Variants in ASPG observed in about 807,000 individuals in gnomAD.
ASPG encodes 60 kDa lysophospholipase.
Under a neutral mutation model 63.2 loss-of-function variants are expected in ASPG, and 53 were observed. That is an observed-to-expected ratio of 0.84 (90% CI 0.67 to 1.05). The LOEUF (loss-of-function observed/expected upper bound fraction) is 1.05, where lower values mean the gene tolerates loss of function less well. Ranked by LOEUF, ASPG falls within the 50% of genes least tolerant of loss-of-function variation. The probability of loss-of-function intolerance (pLI) is 0.00; values close to 1 mark genes in which losing one functional copy is unlikely to be tolerated. For synonymous variants in ASPG, 370 were observed against 355.0 expected (o/e 1.04, Z -0.48); for missense variants, 741 against 794.4 (o/e 0.93, Z 0.81).
rs905719030 is a variant in ASPG at position 104,104,700 on chromosome 14, G to A, written c.1015G>A (p.Gly339Ser). 4 of 1,607,630 alleles carry A rather than the reference G, an allele frequency of 2.5e-6. No individual in the cohort carries two copies. Among genetic ancestry groups the A allele is most frequent in the Non-Finnish European group, 3.4e-6 (4 of 1,176,382 alleles). Residue 339 changes from glycine to serine, a missense_variant, in exon 9 of 16, where the codon GGC (glycine) becomes AGC (serine). Coordinates refer to ENST00000551177, the MANE Select transcript of ASPG (RefSeq NM_001080464.3). ...AALAKLSYVL[G>S]QPGLSLDVRK... Reference sequence around the variant, plus strand: ...CCTGGCCAAGCTATCGTATGTGCTGGGCCAGCCAGGGCTGAGCCTGGATGT... The same window carrying A: ...CCTGGCCAAGCTATCGTATGTGCTGAGCCAGCCAGGGCTGAGCCTGGATGT...
intron 1 of ASPG, among the ~76,000 whole-genome samples, chr14:104,086,359 C>A (rs548823172): frequency 6.6e-6 from 1 of 152,194 alleles, no homozygotes; most frequent in East Asian, 1.9e-4. Flanking sequence ...TCTGCGGGGA[C>A]GCACGTGTTC....
At chr14:104,094,929 G>C (rs950400411) in intron 3 of ASPG, among the ~76,000 whole-genome samples, 2 of 152,194 alleles carry the variant, frequency 1.3e-5, no homozygotes, top group Non-Finnish European at 2.9e-5. Context: ...GGCTTCGTAT[G>C]GAGCCCTGGG....
At chr14:104,098,270 T>G (rs1301887835) in intron 5 of ASPG, among the ~76,000 whole-genome samples, 1 of 152,176 alleles carries the variant, frequency 6.6e-6, no homozygotes, top group Non-Finnish European at 1.5e-5. Flanking sequence ...AAAAACAGGT[T>G]GCAGCCAGCA....
In ASPG at chr14:104,114,185, C is replaced by T. The variant is rs1020614817; in HGVS notation, c.*1641C>T. The T allele has an allele frequency of 9.8e-5, 15 of 152,316 alleles. No homozygotes were observed. The highest frequency in any genetic ancestry group is 9.8e-4 in the Admixed American group (15 of 15,290). 9.4% of individuals were successfully genotyped at this position (152,316 alleles called of 1,614,324 possible). A position where few individuals can be genotyped will look rare whatever the true frequency, so the allele number is the denominator to read the frequency against. On this transcript the variant is annotated 3_prime_UTR_variant, in exon 16 of 16. Coordinates refer to ENST00000551177, the MANE Select transcript of ASPG (RefSeq NM_001080464.3). ...GCTCACGTTAGCCCACATGGCAGCA[C>T]CCTCCCAGAGCAGGTGCCAACCTGC...
Position 104,112,958 on chromosome 14 carries a change from C to T in ASPG, c.*414C>T. On this transcript the variant is annotated 3_prime_UTR_variant, in exon 16 of 16. Transcript: ENST00000551177. ...TGCCCAGGCTGGTCCCTCCTCCAGA[C>T]ACCCTCTGCCCATCTCCTTACCTCC... The T allele has an allele frequency of 3.4e-6, 1 of 292,862 alleles. No individual in the cohort carries two copies. Among genetic ancestry groups the T allele is most frequent in the South Asian group, 3.6e-5 (1 of 28,130 alleles). The allele number at this position is 292,862 out of a possible 1,614,324, so 18.1% of individuals were successfully genotyped here.
chr14:104,089,680 G>C (rs1479714265), intron 1 of ASPG, among the ~76,000 whole-genome samples: 1 of 152,144 alleles, frequency 6.6e-6, no homozygotes, highest in East Asian at 1.9e-4. Flanking sequence ...TTTGAAAAAG[G>C]AACGTTTGGC....
rs1566830156 is a variant in ASPG, at chr14:104,097,934, ATGGAGGTTCTGTGTTAGAGATG to A, written c.513+298_513+319del. The stretch of plus-strand genomic sequence containing the variant: ...TGGAGGTTCTGCGTTAGAGATGCGT[ATGGAGGTTCTGTGTTAGAGATG>A]CGTATGGAGGTTCTGCGTTAGAGAT... On this transcript the variant is annotated intron_variant, in intron 5 of 15. Coordinates refer to ENST00000551177, the MANE Select transcript of ASPG (RefSeq NM_001080464.3). 4.9e-3 allele frequency among the ~76,000 whole-genome samples: 625 copies of A among 127,036 alleles called. 20 individuals carry two copies. The highest frequency in any genetic ancestry group is 0.013 in the East Asian group (45 of 3,540). 83.3% of individuals were successfully genotyped at this position (127,036 alleles called of 152,430 possible). A position where few individuals can be genotyped will look rare whatever the true frequency, so the allele number is the denominator to read the frequency against.
At position 104,114,295 on chromosome 14, in the gene ASPG, AT is replaced by A. The variant is rs2037436598; in HGVS notation, c.*1754del. 6.6e-6 allele frequency: 1 copy of A among 152,318 alleles called. No individual in the cohort carries two copies. Among genetic ancestry groups the A allele is most frequent in the Non-Finnish European group, 1.5e-5 (1 of 68,118 alleles). The allele number at this position is 152,318 out of a possible 1,614,324, so 9.4% of individuals were successfully genotyped here. A position where few individuals can be genotyped will look rare whatever the true frequency, so the allele number is the denominator to read the frequency against. Reference sequence around the variant, plus strand: ...TCATCCTGCTTGTCCCGCAGAGAGCATTTGTCAAGCTGGCCTTTCTCCAACT... The same window carrying A: ...TCATCCTGCTTGTCCCGCAGAGAGCATTGTCAAGCTGGCCTTTCTCCAACT... On this transcript the variant is annotated 3_prime_UTR_variant, in exon 16 of 16. Transcript: ENST00000551177.
chr14:104,103,081 C>T (rs547977573), intron 6 of ASPG, among the ~76,000 whole-genome samples: 1 of 152,358 alleles, frequency 6.6e-6, no homozygotes, highest in African/African-American at 2.4e-5. Flanking sequence ...AGGAGGCTGG[C>T]TGGTTCGACG....
At chr14:104,103,088 G>A (rs935187494) in intron 6 of ASPG, among the ~76,000 whole-genome samples, 2 of 152,242 alleles carry the variant, frequency 1.3e-5, no homozygotes, top group African/African-American at 2.4e-5. Flanking sequence ...TGGCTGGTTC[G>A]ACGATGCTGC....
At chr14:104,111,473 A>G (rs1227356185) in intron 13 of ASPG, 29 bp from the exon 14 acceptor site, 1 of 1,536,062 alleles carries the variant, frequency 6.5e-7, no homozygotes, top group African/African-American at 1.4e-5. Flanking sequence ...AGCAGGCCCC[A>G]ACAACTCCTC....
At chr14:104,090,623 T>C (rs1339449261) in intron 1 of ASPG, among the ~76,000 whole-genome samples, 1 of 152,200 alleles carries the variant, frequency 6.6e-6, no homozygotes, top group Non-Finnish European at 1.5e-5. Flanking sequence ...GCCGCATCAC[T>C]CCAGTCATCC....
intron 1 of ASPG, among the ~76,000 whole-genome samples, chr14:104,087,098 G>T (rs953053691): frequency 6.6e-6 from 1 of 152,278 alleles, no homozygotes; most frequent in South Asian, 2.1e-4. Context: ...ACTGTGGCCG[G>T]TGCAGACCCC....
chr14:104,105,219 C>A (rs2037069244), intron 9 of ASPG, 109 bp from the exon 10 acceptor site: 1 of 1,556,250 alleles, frequency 6.4e-7, no homozygotes, highest in Non-Finnish European at 8.8e-7. Context: ...GGCCGAGGCT[C>A]AGGCCAAGGG....
chr14:104,091,245 C>T lies in ASPG; in HGVS notation c.83-1388C>T, dbSNP rs1294121158. On this transcript the variant is annotated intron_variant, in intron 1 of 15. Transcript: ENST00000551177. The surrounding 1 kb of genome is among the most constrained non-coding windows in gnomAD (Gnocchi z 6.4). ...ACTTGGACACCGGTGTGGGGTGGACCCTGAGCCCCCTGGATGCCCAGGGTC... is the reference window on the plus strand; with the variant it reads ...ACTTGGACACCGGTGTGGGGTGGACTCTGAGCCCCCTGGATGCCCAGGGTC... Among the ~76,000 whole-genome samples the T allele has an allele frequency of 1.3e-5, 2 of 151,864 alleles. No homozygotes were observed. The highest frequency in any genetic ancestry group is 2.9e-5 in the Non-Finnish European group (2 of 67,980).
rs919351597 is a variant in ASPG, at chr14:104,113,053, C to G, written c.*509C>G. Reference sequence around the variant, plus strand: ...CTCCAACCCCTGGATGAGCATGCTGCCCCTGCTTAACTCTTTAGTCCTCAC... The same window carrying G: ...CTCCAACCCCTGGATGAGCATGCTGGCCCTGCTTAACTCTTTAGTCCTCAC... On this transcript the variant is annotated 3_prime_UTR_variant, in exon 16 of 16. Coordinates refer to ENST00000551177, the MANE Select transcript of ASPG (RefSeq NM_001080464.3). The G allele has an allele frequency of 4.5e-6, 1 of 220,812 alleles. No homozygotes were observed. The highest frequency in any genetic ancestry group is 2.3e-5 in the African/African-American group (1 of 43,696). The allele number at this position is 220,812 out of a possible 1,614,324, so 13.7% of individuals were successfully genotyped here.
intron 6 of ASPG, among the ~76,000 whole-genome samples, chr14:104,101,829 C>A (rs576165781): frequency 1.3e-5 from 2 of 152,218 alleles, no homozygotes; most frequent in Non-Finnish European, 2.9e-5. Flanking sequence ...CTACACCCTT[C>A]GGCTCCTGTG....
intron 1 of ASPG, among the ~76,000 whole-genome samples, chr14:104,086,265 A>T (rs1744277): frequency 9.9e-5 from 15 of 152,106 alleles, no homozygotes; most frequent in African/African-American, 3.6e-4. Flanking sequence ...GGACCCCTCA[A>T]CTGCGACACC....
intron 12 of ASPG, chr14:104,108,711 T>G: frequency 1.0e-6 from 1 of 985,406 alleles, no homozygotes; most frequent in Non-Finnish European, 1.2e-6. Context: ...GACTCCACTG[T>G]CCGGGTGCCC....
Sources: allele counts gnomAD v4.1 joint callset (sites outside exome capture counted in the v4.1 genomes callset), GRCh38; gene constraint gnomAD v4.1.1; non-coding constraint Gnocchi (gnomAD v3.1); transcripts MANE v1.5; gene names NCBI Gene and HGNC (gene_info 2026-07-23, HGNC 2026-07-21).